The following FSTL1 variants were observed in gnomAD, a reference collection of about 807,000 sequenced individuals.
FSTL1 encodes the protein follistatin-related protein 1.
FSTL1 carries 24 observed loss-of-function variants against 45.9 expected under a neutral mutation model. That is an observed-to-expected ratio of 0.52 (90% CI 0.38 to 0.74). The LOEUF is 0.74. FSTL1 is among the 30% of genes least tolerant of loss of function. The probability of loss-of-function intolerance (pLI) is 0.00; values close to 1 mark genes in which losing one functional copy is unlikely to be tolerated. For missense variants in FSTL1, 340 were observed against 381.8 expected, an observed-to-expected ratio of 0.89 and a Z score of 0.91; for synonymous variants, 120 against 137.6, an observed-to-expected ratio of 0.87 and a Z score of 0.89.
chr3:120,414,714 CAT>C (rs1937155589), intron 3 of FSTL1, among the ~76,000 whole-genome samples: 1 of 151,478 alleles, frequency 6.6e-6, no homozygotes, highest in East Asian at 1.9e-4. Flanking sequence ...CTCTCTGAAA[CAT>C]ATGCTGTGTC....
At chr3:120,412,823 C>T (rs1480094704) in intron 3 of FSTL1, among the ~76,000 whole-genome samples, 5 of 48,822 alleles carry the variant, frequency 1.0e-4, no homozygotes, top group Non-Finnish European at 1.5e-4. Flanking sequence ...CACATGTGCG[C>T]GCGCGCGCGC....
chr3:120,403,019 C>T (rs990058028), intron 8 of FSTL1, 101 bp from the exon 9 acceptor site: 1 of 819,268 alleles, frequency 1.2e-6, no homozygotes, highest in Non-Finnish European at 2.2e-6. Context: ...CAGACAAGAC[C>T]TGCCTGTCCC....
intron 10 of FSTL1, among the ~76,000 whole-genome samples, chr3:120,397,528 G>T (rs541468989): frequency 6.6e-6 from 1 of 152,216 alleles, no homozygotes; most frequent in Non-Finnish European, 1.5e-5. Flanking sequence ...ATAAGAAGAT[G>T]CTCAACATCA....
intron 2 of FSTL1, among the ~76,000 whole-genome samples, chr3:120,417,611 G>C (rs1353995899): frequency 2.0e-5 from 3 of 152,222 alleles, no homozygotes; most frequent in Admixed American, 1.3e-4. Context: ...ACAGAGAGTG[G>C]AGATAAAAAT....
chr3:120,450,940 G>T lies in FSTL1; in HGVS notation c.-44C>A. On this transcript the variant is annotated 5_prime_UTR_variant, in exon 1 of 11. Transcript: ENST00000295633. ...TCCTGGGGGCGCGGGGCAGGACGGC[G>T]GCAGCGAGCTGTAAGCGGAGGTGGG... The T allele has an allele frequency of 4.2e-6, 2 of 476,970 alleles. No homozygotes were observed. The highest frequency in any genetic ancestry group is 7.4e-6 in the Non-Finnish European group (2 of 270,768). The allele number at this position is 476,970 out of a possible 1,614,324, so 29.5% of individuals were successfully genotyped here.
chr3:120,417,529 C>T (rs1297751676), intron 2 of FSTL1, among the ~76,000 whole-genome samples: 1 of 152,174 alleles, frequency 6.6e-6, no homozygotes, highest in Non-Finnish European at 1.5e-5. Flanking sequence ...TTCAAGAAAG[C>T]TAGCAGGCGG....
At chr3:120,433,447 A>G (rs1235898659) in intron 2 of FSTL1, among the ~76,000 whole-genome samples, 1 of 152,242 alleles carries the variant, frequency 6.6e-6, no homozygotes, top group Non-Finnish European at 1.5e-5. Context: ...TTCGTATTAC[A>G]TATGAGACAT....
In FSTL1 at chr3:120,416,045, A is replaced by T; in HGVS notation, c.64-18T>A. 1 of 1,532,854 alleles carries T rather than the reference A, an allele frequency of 6.5e-7. No individual in the cohort carries two copies. Among genetic ancestry groups the T allele is most frequent in the South Asian group, 1.1e-5 (1 of 89,412 alleles). 95.0% of individuals were successfully genotyped at this position (1,532,854 alleles called of 1,614,324 possible). ...AGCTCTTCCTAAAACATACAATCAT[A>T]AAGGAAACCGTGTGACTGAGATGAA... On this transcript the variant is annotated intron_variant, in intron 2 of 10. Coordinates refer to ENST00000295633, the MANE Select transcript of FSTL1 (RefSeq NM_007085.5).
At chr3:120,415,210 G>A (rs1215529902) in intron 3 of FSTL1, among the ~76,000 whole-genome samples, 1 of 151,558 alleles carries the variant, frequency 6.6e-6, no homozygotes, top group Non-Finnish European at 1.5e-5. Flanking sequence ...AGCAAGCCCT[G>A]GTGTCAATCA....
In FSTL1 at chr3:120,409,469, A is replaced by T. The variant is rs375578963; in HGVS notation, c.462+63T>A. 2.1e-6 allele frequency: 3 copies of T among 1,460,838 alleles called. No individual in the cohort carries two copies. In the South Asian group the frequency reaches 3.5e-5, roughly 17 times the overall value. 90.5% of individuals were successfully genotyped at this position (1,460,838 alleles called of 1,614,324 possible). ...GTGGTCTGGGAAGGTGTGATCGGGC[A>T]ATGGGAGGAGGAAGCTTCCCTTTCT... On this transcript the variant is annotated intron_variant, in intron 6 of 10. Transcript: ENST00000295633.
intron 2 of FSTL1, among the ~76,000 whole-genome samples, chr3:120,432,514 A>T (rs1263265973): frequency 6.6e-6 from 1 of 152,184 alleles, no homozygotes; most frequent in African/African-American, 2.4e-5. Flanking sequence ...CACAATGCAC[A>T]AAGACCTCCT....
intron 6 of FSTL1, among the ~76,000 whole-genome samples, chr3:120,405,944 G>C (rs780607390): frequency 6.6e-6 from 1 of 152,132 alleles, no homozygotes; most frequent in Non-Finnish European, 1.5e-5. Context: ...GCTGCCCTGG[G>C]AAAGGATCAG....
chr3:120,411,007 G>C (rs1469392079), intron 4 of FSTL1, 23 bp from the exon 5 acceptor site: 2 of 1,589,372 alleles, frequency 1.3e-6, no homozygotes, highest in Non-Finnish European at 8.6e-7. Context: ...AAGAGAAAAC[G>C]TGTAATGCGA....
intron 2 of FSTL1, among the ~76,000 whole-genome samples, chr3:120,430,053 G>GAAATCAGGGAA (rs910452681): frequency 2.6e-5 from 4 of 152,174 alleles, no homozygotes; most frequent in Non-Finnish European, 5.9e-5. Context: ...CTGTAGTCAT[G>GAAATCAGGGAA]AAATCAGGGA....
chr3:120,440,719 G>A (rs1433046309), intron 2 of FSTL1, among the ~76,000 whole-genome samples: 4 of 152,242 alleles, frequency 2.6e-5, no homozygotes, highest in Non-Finnish European at 5.9e-5. Flanking sequence ...GATGAGTGAT[G>A]CAAAATAGTG....
At chr3:120,450,162 A>T (rs1147706) in intron 2 of FSTL1, among the ~76,000 whole-genome samples, 85,205 of 152,084 alleles carry the variant, frequency 0.56, 27,990 homozygotes, top group Non-Finnish European at 0.73. Context: ...TGCCCAGATG[A>T]TAACACAAAA....
chr3:120,437,440 A>C (rs979536802), intron 2 of FSTL1, among the ~76,000 whole-genome samples: 10 of 152,236 alleles, frequency 6.6e-5, no homozygotes, highest in African/African-American at 1.9e-4. Context: ...AGTATAACAT[A>C]AGTCAAACAC....
At chr3:120,425,720 T>TAACC (rs1346970901) in intron 2 of FSTL1, among the ~76,000 whole-genome samples, 1 of 152,078 alleles carries the variant, frequency 6.6e-6, no homozygotes, top group Non-Finnish European at 1.5e-5. Context: ...CTAAAGAAAG[T>TAACC]GGTTATGTAT....
At chr3:120,403,920 C>CAAAAAAAA (rs34145564) in intron 7 of FSTL1, among the ~76,000 whole-genome samples, 50 of 52,110 alleles carry the variant, frequency 9.6e-4, no homozygotes, top group Admixed American at 2.0e-3. Context: ...GACTCCGTCT[C>CAAAAAAAA]AAAAAAAAAA....
Sources: gnomAD v4.1 joint callset for allele counts (sites outside exome capture counted in the v4.1 genomes callset) on GRCh38, gnomAD v4.1.1 for gene constraint, MANE v1.5 for transcripts, NCBI Gene and HGNC (gene_info 2026-07-23, HGNC 2026-07-21) for gene names.